Variants in PRIM2 observed in about 807,000 individuals in gnomAD.
The protein encoded by PRIM2 is DNA primase large subunit.
Under a neutral mutation model 67.3 loss-of-function variants are expected in PRIM2, and 39 were observed. The observed-to-expected ratio is 0.58, with a 90% confidence interval of 0.45 to 0.76. The LOEUF (loss-of-function observed/expected upper bound fraction) is 0.76. PRIM2 is among the 30% of genes least tolerant of loss of function. The pLI is 0.00. For missense variants in PRIM2, 398 were observed against 598.7 expected, an observed-to-expected ratio of 0.66 and a Z score of 3.50; for synonymous variants, 143 against 198.7, an observed-to-expected ratio of 0.72 and a Z score of 2.36.
rs1776046084 is a variant in PRIM2, at chr6:57,579,756, T to G, written c.1021-21337T>G. Among the ~76,000 whole-genome samples, 4 of 152,266 alleles carry G rather than the reference T, an allele frequency of 2.6e-5. No individual in the cohort carries two copies. The South Asian group carries it at 6.2e-4, about 24-fold the overall frequency. On this transcript the variant is annotated intron_variant, in intron 10 of 13. Transcript: ENST00000615550. ...ACCAATTGCCCATTTGCTGCTTATT[T>G]AAGTTGTCCTGACACAGAAAGACTG... is the stretch of plus-strand genomic sequence containing the variant.
chr6:57,292,920 T>C, the PRIM2 span, among the ~76,000 whole-genome samples: 1 of 152,144 alleles, frequency 6.6e-6, no homozygotes, highest in African/African-American at 2.4e-5. Flanking sequence ...ATTCAGGACA[T>C]AGGCATGGGT....
At chr6:57,571,767 C>T (rs1441922163) in intron 10 of PRIM2, among the ~76,000 whole-genome samples, 2 of 152,206 alleles carry the variant, frequency 1.3e-5, no homozygotes, top group East Asian at 3.8e-4. Flanking sequence ...CTGAGGGTTC[C>T]AGCAAATTTG....
intron 5 of PRIM2, among the ~76,000 whole-genome samples, chr6:57,352,966 A>G (rs1768904955): frequency 6.6e-6 from 1 of 152,144 alleles, no homozygotes. Context: ...CAGAGCACAA[A>G]TATAGCTAGA....
intron 7 of PRIM2, among the ~76,000 whole-genome samples, chr6:57,413,448 A>T (rs1267898855): frequency 6.6e-5 from 10 of 151,906 alleles, no homozygotes; most frequent in Admixed American, 6.6e-4. Flanking sequence ...ATGTATTCCA[A>T]TATCAAATGG....
upstream of PRIM2, among the ~76,000 whole-genome samples, chr6:57,315,490 G>A (rs1767463983): frequency 6.6e-6 from 1 of 152,174 alleles, no homozygotes; most frequent in South Asian, 2.1e-4. Context: ...GAGCAAAACA[G>A]GTGGCAACAC....
intron 7 of PRIM2, among the ~76,000 whole-genome samples, chr6:57,506,167 C>G (rs1774246901): frequency 1.3e-5 from 2 of 149,046 alleles, no homozygotes. Context: ...TACTGAAAGT[C>G]TTGATTGTGC....
intron 7 of PRIM2, among the ~76,000 whole-genome samples, chr6:57,476,005 G>GTGT (rs1167090034): frequency 5.3e-4 from 80 of 152,064 alleles, no homozygotes; most frequent in Admixed American, 1.5e-3. Context: ...TCCTAGGTCA[G>GTGT]TGTTGTTGTT....
At chr6:57,577,969 C>T (rs1364278418) in intron 10 of PRIM2, among the ~76,000 whole-genome samples, 1 of 152,176 alleles carries the variant, frequency 6.6e-6, no homozygotes, top group African/African-American at 2.4e-5. Context: ...CAAGACTCCA[C>T]GTTGCATTTA....
chr6:57,534,411 T>C (rs1410124776), intron 9 of PRIM2, among the ~76,000 whole-genome samples: 1 of 152,226 alleles, frequency 6.6e-6, no homozygotes, highest in Non-Finnish European at 1.5e-5. Flanking sequence ...AAGATCCAAG[T>C]TGATAATTTA....
At chr6:57,634,115 C>A (rs1424361131) in intron 13 of PRIM2, among the ~76,000 whole-genome samples, 2 of 152,196 alleles carry the variant, frequency 1.3e-5, no homozygotes, top group African/African-American at 4.8e-5. Flanking sequence ...TTCAAGCTGT[C>A]TAACTCATCT....
chr6:57,342,188 A>G (rs2127294591), intron 5 of PRIM2, among the ~76,000 whole-genome samples: 1 of 152,294 alleles, frequency 6.6e-6, no homozygotes, highest in East Asian at 1.9e-4. Flanking sequence ...TAGATTCTGA[A>G]TCCTTATCAT....
At chr6:57,244,982 A>T in the PRIM2 span, among the ~76,000 whole-genome samples, 3 of 152,194 alleles carry the variant, frequency 2.0e-5, no homozygotes, top group African/African-American at 7.2e-5. Flanking sequence ...GAGTTAGTTG[A>T]TATGTGTGCA....
chr6:57,568,960 C>A (rs1162038002), intron 10 of PRIM2, among the ~76,000 whole-genome samples: 1 of 152,138 alleles, frequency 6.6e-6, no homozygotes, highest in East Asian at 1.9e-4. Flanking sequence ...TTTTTGGTGA[C>A]GATCAAGACT....
the PRIM2 span, among the ~76,000 whole-genome samples, chr6:57,293,700 G>A: frequency 6.6e-6 from 1 of 152,162 alleles, no homozygotes; most frequent in African/African-American, 2.4e-5. Context: ...CATGGGTGAA[G>A]CTGGAAACCA....
the PRIM2 span, among the ~76,000 whole-genome samples, chr6:57,244,247 T>G: frequency 2.6e-5 from 4 of 152,208 alleles, no homozygotes; most frequent in African/African-American, 9.7e-5. Flanking sequence ...GGGCAGGAAC[T>G]TGAACCCTCT....
At chr6:57,348,747 C>CTTTTT (rs67086940) in intron 5 of PRIM2, among the ~76,000 whole-genome samples, 1 of 71,612 alleles carries the variant, frequency 1.4e-5, no homozygotes, top group African/African-American at 5.2e-5. Context: ...CCTTCCTGCC[C>CTTTTT]TTTTTTTTTT....
rs367753622 is a variant in PRIM2, at chr6:57,379,890, T to C, written c.460-11T>C. 2.0e-6 allele frequency: 3 copies of C among 1,534,782 alleles called. No individual in the cohort carries two copies. Among genetic ancestry groups the C allele is most frequent in the Middle Eastern group, 1.7e-4 (1 of 5,826 alleles). ...CAAATTTTTGTAACAGCTTAAAATATGTTTTTTTAGATAAGTGATGAAGAG... is the reference window on the plus strand; with the variant it reads ...CAAATTTTTGTAACAGCTTAAAATACGTTTTTTTAGATAAGTGATGAAGAG... On this transcript the variant is annotated splice_polypyrimidine_tract_variant and intron_variant, in intron 5 of 13. Transcript: ENST00000615550.
intron 7 of PRIM2, among the ~76,000 whole-genome samples, chr6:57,426,762 T>G (rs1771644074): frequency 1.3e-5 from 2 of 152,204 alleles, no homozygotes. Flanking sequence ...AACAGGTGAT[T>G]AGATAAATAC....
chr6:57,235,045 G>T, the PRIM2 span, among the ~76,000 whole-genome samples: 2 of 151,866 alleles, frequency 1.3e-5, no homozygotes, highest in East Asian at 3.9e-4. Flanking sequence ...ATGCTACTTG[G>T]GAGGCTGAGG....
Sources: allele counts gnomAD v4.1 joint callset (sites outside exome capture counted in the v4.1 genomes callset), GRCh38; gene constraint gnomAD v4.1.1; transcripts MANE v1.5; gene names NCBI Gene and HGNC (gene_info 2026-07-23, HGNC 2026-07-21).